TENM1: variants seen among roughly 807,000 people sequenced by gnomAD.
TENM1 encodes teneurin transmembrane protein 1, also known as teneurin-1.
Under a neutral mutation model 174.8 loss-of-function variants are expected in TENM1, and 35 were observed. That is an observed-to-expected ratio of 0.20 (90% CI 0.15 to 0.27). TENM1 has a LOEUF of 0.27. Ranked by LOEUF, TENM1 falls within the 10% of genes least tolerant of loss-of-function variation. The probability of loss-of-function intolerance (pLI) is 1.00; values close to 1 mark genes in which losing one functional copy is unlikely to be tolerated. For missense variants in TENM1, 1,633 were observed against 2,130.1 expected (o/e 0.77, Z 4.59); for synonymous variants, 781 against 798.7 (o/e 0.98, Z 0.37).
intron 1 of TENM1, among the ~76,000 whole-genome samples, chrX:124,937,291 A>T (rs1234311671): frequency 2.7e-5 from 3 of 111,830 alleles, no homozygotes; most frequent in Admixed American, 1.9e-4. Flanking sequence ...CAATTTTTTG[A>T]ATAGTTATAT....
chrX:124,733,188 T>G (rs1232343612), intron 4 of TENM1, among the ~76,000 whole-genome samples: 1 of 111,927 alleles, frequency 8.9e-6, no homozygotes, highest in African/African-American at 3.3e-5. Flanking sequence ...GACTCAAGAA[T>G]AGTGAAGGGC....
chrX:124,503,731 A>G, intron 18 of TENM1, 28 bp from the exon 22 acceptor site: 2 of 1,151,105 alleles, frequency 1.7e-6, no homozygotes, highest in South Asian at 4.0e-5. Flanking sequence ...ACAGCACATT[A>G]GAAAACTGTA....
chrX:124,608,080 G>T (rs919309927), intron 11 of TENM1, among the ~76,000 whole-genome samples: 26 of 111,136 alleles, frequency 2.3e-4, no homozygotes, highest in African/African-American at 7.2e-4. Flanking sequence ...CTACAGTAAG[G>T]AGTCAGCCGA....
chrX:124,992,384 G>T, the TENM1 span, among the ~76,000 whole-genome samples: 2 of 110,930 alleles, frequency 1.8e-5, no homozygotes, highest in Non-Finnish European at 3.8e-5. Flanking sequence ...GGCCTCAGAA[G>T]CAGCCTCATA....
At chrX:124,660,876 C>T (rs183184764) in intron 6 of TENM1, among the ~76,000 whole-genome samples, 1 of 112,001 alleles carries the variant, frequency 8.9e-6, no homozygotes, top group African/African-American at 3.3e-5. Context: ...CATTCCACAA[C>T]TTGGTGTATA....
chrX:124,663,773 A>C (rs896918074), intron 6 of TENM1, among the ~76,000 whole-genome samples: 4 of 108,798 alleles, frequency 3.7e-5, no homozygotes, highest in African/African-American at 1.3e-4. Context: ...TTTTTTAAGT[A>C]AAATGAGGAT....
In TENM1 at chrX:124,467,065, A is replaced by G. The variant is rs188226876; in HGVS notation, c.3950-13574T>C. On this transcript the variant is annotated intron_variant, in intron 22 of 31. Transcript: ENST00000422452. The stretch of plus-strand genomic sequence containing the variant: ...CTTCCTTTCCTGAGTAAATACAGGT[A>G]AAATGGGGCACCTACCCACCTTCCT... 2.3e-3 allele frequency among the ~76,000 whole-genome samples: 254 copies of G among 111,519 alleles called. 1 individual carries two copies. The highest frequency in any genetic ancestry group is 7.7e-3 in the African/African-American group (236 of 30,680).
At chrX:124,425,048 A>C (rs1185982409) in intron 23 of TENM1, among the ~76,000 whole-genome samples, 2 of 111,742 alleles carry the variant, frequency 1.8e-5, no homozygotes, top group South Asian at 7.5e-4. Flanking sequence ...CTCCAAGCTC[A>C]TTTATGTTGC....
chrX:124,694,534 G>T (rs1464199608), intron 5 of TENM1, among the ~76,000 whole-genome samples: 1 of 111,751 alleles, frequency 8.9e-6, no homozygotes, highest in Non-Finnish European at 1.9e-5. Context: ...GGAATGGAGA[G>T]ATTTGGATTT....
intron 1 of TENM1, among the ~76,000 whole-genome samples, chrX:124,897,190 G>A (rs376112016): frequency 1.6e-4 from 18 of 111,638 alleles, no homozygotes; most frequent in African/African-American, 5.5e-4. Flanking sequence ...TTTACATTCA[G>A]TTATAGCAAG....
chrX:125,156,542 G>C, the TENM1 span, among the ~76,000 whole-genome samples: 2 of 112,095 alleles, frequency 1.8e-5, no homozygotes, highest in South Asian at 3.7e-4. Flanking sequence ...GTTTGCTTAG[G>C]ATAATGGCCT....
intron 3 of TENM1, among the ~76,000 whole-genome samples, chrX:124,748,065 C>G (rs1307880748): frequency 9.0e-6 from 1 of 111,496 alleles, no homozygotes; most frequent in Non-Finnish European, 1.9e-5. Context: ...GAACATACTA[C>G]TATGGAATTG....
At chrX:124,724,658 T>C (rs2053403251) in intron 4 of TENM1, among the ~76,000 whole-genome samples, 2 of 111,505 alleles carry the variant, frequency 1.8e-5, no homozygotes, top group African/African-American at 6.5e-5. Context: ...TAGCTGAGCA[T>C]GGTGGCATGC....
intron 1 of TENM1, among the ~76,000 whole-genome samples, chrX:124,921,554 TTAAC>T (rs775907617): frequency 4.5e-5 from 5 of 111,883 alleles, no homozygotes; most frequent in Non-Finnish European, 9.4e-5. Flanking sequence ...CATTAATTAT[TTAAC>T]TAATGCCCTA....
intron 14 of TENM1, among the ~76,000 whole-genome samples, chrX:124,557,389 G>A (rs2048716955): frequency 9.4e-6 from 1 of 106,679 alleles, no homozygotes; most frequent in African/African-American, 3.4e-5. Flanking sequence ...CAAATTTATT[G>A]TTTTTTTTTC....
At chrX:124,471,815 T>G (rs147943961) in intron 22 of TENM1, among the ~76,000 whole-genome samples, 4,034 of 99,359 alleles carry the variant, frequency 0.041, 242 homozygotes, top group African/African-American at 0.14. Context: ...ATATTACCCT[T>G]ACACCCTTAC....
intron 5 of TENM1, among the ~76,000 whole-genome samples, chrX:124,688,233 C>T (rs1375692215): frequency 9.5e-6 from 1 of 105,493 alleles, no homozygotes; most frequent in Non-Finnish European, 1.9e-5. Context: ...TCTCTTTTCT[C>T]CCTTCCCTTC....
the TENM1 span, among the ~76,000 whole-genome samples, chrX:125,126,368 C>G: frequency 2.7e-5 from 3 of 111,548 alleles, no homozygotes; most frequent in Non-Finnish European, 5.7e-5. Flanking sequence ...AGGGAGGTGA[C>G]AGCCCATTGC....
At chrX:124,912,228 T>G (rs764633188) in intron 1 of TENM1, among the ~76,000 whole-genome samples, 3 of 111,547 alleles carry the variant, frequency 2.7e-5, no homozygotes, top group African/African-American at 9.8e-5. Flanking sequence ...AGTAGGAATT[T>G]AGCTTCTTCC....
Sources: gnomAD v4.1 joint callset for allele counts (sites outside exome capture counted in the v4.1 genomes callset) on GRCh38, gnomAD v4.1.1 for gene constraint, MANE v1.5 for transcripts, NCBI Gene and HGNC (gene_info 2026-07-23, HGNC 2026-07-21) for gene names.